EDA: variants seen among roughly 807,000 people sequenced by gnomAD.
EDA encodes ectodysplasin A, also known as ectodysplasin-A.
EDA carries 2 observed loss-of-function variants against 23.6 expected under a neutral mutation model. The ratio of observed to expected loss-of-function variants is 0.08; its 90% CI spans 0.03 to 0.27. The LOEUF (loss-of-function observed/expected upper bound fraction) is 0.27. EDA is among the 10% of genes least tolerant of loss of function. EDA has a pLI of 1.00. For missense variants in EDA, 229 were observed against 324.2 expected, an observed-to-expected ratio of 0.71 and a Z score of 2.26; for synonymous variants, 131 against 132.0, an observed-to-expected ratio of 0.99 and a Z score of 0.05.
chrX:69,933,370 T>C (rs913762771), intron 1 of EDA, among the ~76,000 whole-genome samples: 1 of 112,063 alleles, frequency 8.9e-6, no homozygotes, highest in Non-Finnish European at 1.9e-5. Flanking sequence ...GCTACATTCA[T>C]AAGTTTCTCT....
At chrX:70,028,959 C>T (rs781012747) in intron 4 of EDA, among the ~76,000 whole-genome samples, 16 of 112,504 alleles carry the variant, frequency 1.4e-4, no homozygotes, top group African/African-American at 3.5e-4. Context: ...AGCAGTGTTA[C>T]CATGGCCACA....
At chrX:69,906,885 A>G (rs2018187198) in intron 1 of EDA, among the ~76,000 whole-genome samples, 1 of 112,557 alleles carries the variant, frequency 8.9e-6, no homozygotes, top group Non-Finnish European at 1.9e-5. Context: ...CATACCTGAG[A>G]ACATAAAAGA....
intron 1 of EDA, among the ~76,000 whole-genome samples, chrX:69,904,354 CT>C (rs1465791387): frequency 4.7e-5 from 5 of 107,387 alleles, no homozygotes; most frequent in East Asian, 2.9e-4. Flanking sequence ...CTCTTCCCCT[CT>C]TTTTTTTTTC....
chrX:69,682,642 G>T (rs921186600), intron 1 of EDA, among the ~76,000 whole-genome samples: 4 of 111,863 alleles, frequency 3.6e-5, no homozygotes, highest in Admixed American at 9.4e-5. Flanking sequence ...TGACCCCTTG[G>T]GCTTCCCGAG....
At chrX:69,922,590 T>C (rs1422066883) in intron 1 of EDA, among the ~76,000 whole-genome samples, 1 of 112,570 alleles carries the variant, frequency 8.9e-6, no homozygotes, top group Non-Finnish European at 1.9e-5. Context: ...ACTATGAATT[T>C]TTAAACAATA....
intron 1 of EDA, among the ~76,000 whole-genome samples, chrX:69,880,868 T>A (rs1453556416): frequency 8.9e-6 from 1 of 112,075 alleles, no homozygotes; most frequent in Non-Finnish European, 1.9e-5. Context: ...AGATGCAATG[T>A]CATGCCCCTT....
At chrX:69,784,207 G>A (rs1329601569) in intron 1 of EDA, among the ~76,000 whole-genome samples, 9 of 96,381 alleles carry the variant, frequency 9.3e-5, no homozygotes, top group Admixed American at 5.7e-4. Context: ...TGTCAGATGA[G>A]TAGGTTGTGA....
At chrX:69,971,657 G>A (rs1389165007) in intron 2 of EDA, among the ~76,000 whole-genome samples, 1 of 111,301 alleles carries the variant, frequency 9.0e-6, no homozygotes, top group Non-Finnish European at 1.9e-5. Flanking sequence ...TATCCAGATA[G>A]CTCATCTTAG....
At chrX:69,730,463 G>T (rs769372866) in intron 1 of EDA, among the ~76,000 whole-genome samples, 2 of 112,038 alleles carry the variant, frequency 1.8e-5, no homozygotes, top group African/African-American at 6.5e-5. Flanking sequence ...GAAGTCTGGG[G>T]ACAGTAAGCA....
At chrX:69,786,165 C>T (rs1444673282) in intron 1 of EDA, among the ~76,000 whole-genome samples, 1 of 110,943 alleles carries the variant, frequency 9.0e-6, no homozygotes, top group Non-Finnish European at 1.9e-5. Flanking sequence ...TTTATTGCAT[C>T]TATTTTATTG....
intron 1 of EDA, among the ~76,000 whole-genome samples, chrX:69,939,170 A>G (rs775959031): frequency 1.8e-5 from 2 of 112,004 alleles, no homozygotes; most frequent in Admixed American, 9.5e-5. Context: ...TTGAATCAGT[A>G]GATAGCTTGG....
intron 1 of EDA, among the ~76,000 whole-genome samples, chrX:69,950,162 A>C (rs772157679): frequency 1.3e-3 from 98 of 76,028 alleles, no homozygotes; most frequent in African/African-American, 4.6e-3. Flanking sequence ...CAACCTACAA[A>C]ATGGGAGAAA....
intron 2 of EDA, chrX:69,957,477 TCA>T: frequency 1.9e-5 from 1 of 52,864 alleles, no homozygotes; most frequent in Non-Finnish European, 3.3e-5. Context: ...AGACTCCATC[TCA>T]AAAAAAAAAA....
At chrX:69,679,461 G>T (rs1379781222) in intron 1 of EDA, among the ~76,000 whole-genome samples, 12 of 109,825 alleles carry the variant, frequency 1.1e-4, no homozygotes, top group African/African-American at 3.6e-4. Flanking sequence ...CTGGACTCTT[G>T]GGTTGGTAAG....
At chrX:69,831,119 G>C (rs934130451) in intron 1 of EDA, among the ~76,000 whole-genome samples, 8 of 111,457 alleles carry the variant, frequency 7.2e-5, no homozygotes, top group African/African-American at 2.0e-4. Context: ...CAACGTACAA[G>C]TTTGATACAT....
chrX:69,998,293 A>T (rs190071737), intron 2 of EDA, among the ~76,000 whole-genome samples: 131 of 112,656 alleles, frequency 1.2e-3, no homozygotes, highest in Non-Finnish European at 1.8e-3. Context: ...TCATTTCGGT[A>T]CTTTAAGATT....
At chrX:69,775,651 A>G (rs1015740775) in intron 1 of EDA, among the ~76,000 whole-genome samples, 1 of 111,755 alleles carries the variant, frequency 8.9e-6, no homozygotes, top group Non-Finnish European at 1.9e-5. Flanking sequence ...TACTCACCTA[A>G]TTGGTATGAT....
chrX:69,809,590 G>T (rs2015896045), intron 1 of EDA, among the ~76,000 whole-genome samples: 1 of 111,711 alleles, frequency 9.0e-6, no homozygotes, highest in African/African-American at 3.3e-5. Context: ...AAATGTTAAG[G>T]TGAGGCATAC....
chrX:69,724,724 A>G (rs1324238651), intron 1 of EDA, among the ~76,000 whole-genome samples: 4 of 111,516 alleles, frequency 3.6e-5, no homozygotes, highest in African/African-American at 1.3e-4. Flanking sequence ...TTAAATCCAC[A>G]AAGGGGAGAA....
Sources: allele counts gnomAD v4.1 joint callset (sites outside exome capture counted in the v4.1 genomes callset), GRCh38; gene constraint gnomAD v4.1.1; transcripts MANE v1.5; gene names NCBI Gene and HGNC (gene_info 2026-07-23, HGNC 2026-07-21).